EXOC6B: variants seen among roughly 807,000 people sequenced by gnomAD.
EXOC6B encodes SEC15 homolog B.
A neutral mutation model predicts 113.5 loss-of-function variants in EXOC6B; 54 were observed. The observed-to-expected ratio is 0.48, with a 90% CI of 0.38 to 0.60. EXOC6B has a LOEUF of 0.60. Among genes scored for constraint, EXOC6B ranks in the 20% least tolerant of loss-of-function variants. EXOC6B has a pLI of 0.00. For missense variants in EXOC6B, 797 were observed against 977.5 expected, an observed-to-expected ratio of 0.82 and a Z score of 2.46; for synonymous variants, 357 against 339.0, an observed-to-expected ratio of 1.05 and a Z score of -0.58.
At chr2:72,550,551 A>T (rs1422939652) in intron 8 of EXOC6B, among the ~76,000 whole-genome samples, 2 of 152,224 alleles carry the variant, frequency 1.3e-5, no homozygotes, top group East Asian at 3.8e-4. Flanking sequence ...CTGCCATATA[A>T]TCAATGCCTT....
At chr2:72,367,688 C>G (rs953486832) in intron 19 of EXOC6B, among the ~76,000 whole-genome samples, 1 of 152,156 alleles carries the variant, frequency 6.6e-6, no homozygotes, top group Non-Finnish European at 1.5e-5. Flanking sequence ...TCCCCCATCC[C>G]CTGGCAGTGG....
At chr2:72,358,762 A>G (rs1690120222) in intron 19 of EXOC6B, among the ~76,000 whole-genome samples, 1 of 152,110 alleles carries the variant, frequency 6.6e-6, no homozygotes, top group African/African-American at 2.4e-5. Context: ...GGATGTATGC[A>G]CTAAAATTGC....
At chr2:72,773,596 G>A (rs368333104) in intron 1 of EXOC6B, among the ~76,000 whole-genome samples, 10 of 150,390 alleles carry the variant, frequency 6.6e-5, no homozygotes, top group Middle Eastern at 3.5e-3. Context: ...CAAGAAAGTC[G>A]GAAAAAAAAA....
intron 6 of EXOC6B, among the ~76,000 whole-genome samples, chr2:72,593,129 C>T (rs372203169): frequency 1.3e-5 from 2 of 152,112 alleles, no homozygotes; most frequent in East Asian, 1.9e-4. Flanking sequence ...AAGGGTAGCA[C>T]GCTTGAAGAG....
At chr2:72,203,164 C>T (rs992601000) in intron 20 of EXOC6B, among the ~76,000 whole-genome samples, 2 of 152,230 alleles carry the variant, frequency 1.3e-5, no homozygotes, top group Admixed American at 1.3e-4. Flanking sequence ...CTTCTTCACA[C>T]TTGCTGTTCT....
intron 1 of EXOC6B, among the ~76,000 whole-genome samples, chr2:72,754,111 T>C (rs569667245): frequency 7.9e-5 from 12 of 152,136 alleles, no homozygotes; most frequent in African/African-American, 2.9e-4. Context: ...GGTCTCAAAC[T>C]CCTGGGCTCA....
At chr2:72,619,324 T>C (rs1440461763) in intron 6 of EXOC6B, among the ~76,000 whole-genome samples, 1 of 152,132 alleles carries the variant, frequency 6.6e-6, no homozygotes, top group Non-Finnish European at 1.5e-5. Flanking sequence ...TCTTATATTG[T>C]TTTACTGGCA....
At chr2:72,242,983 T>C (rs950503050) in intron 20 of EXOC6B, among the ~76,000 whole-genome samples, 1 of 152,148 alleles carries the variant, frequency 6.6e-6, no homozygotes, top group Non-Finnish European at 1.5e-5. Context: ...GATCCTCCTT[T>C]TCCTAGTGTT....
chr2:72,635,864 G>T (rs1558866243), intron 6 of EXOC6B, among the ~76,000 whole-genome samples: 1 of 152,140 alleles, frequency 6.6e-6, no homozygotes, highest in Admixed American at 6.5e-5. Context: ...ACCAAGTAGG[G>T]TTTATTCCAG....
chr2:72,644,743 G>A (rs1240598407), intron 6 of EXOC6B, among the ~76,000 whole-genome samples: 1 of 151,542 alleles, frequency 6.6e-6, no homozygotes, highest in Non-Finnish European at 1.5e-5. Flanking sequence ...AATGCTGAGA[G>A]ATTTTGTCAC....
intron 8 of EXOC6B, among the ~76,000 whole-genome samples, chr2:72,549,585 A>G (rs1243891947): frequency 6.6e-6 from 1 of 152,190 alleles, no homozygotes; most frequent in Non-Finnish European, 1.5e-5. Flanking sequence ...TAATGCCTTC[A>G]TTTTAAAACA....
chr2:72,457,477 G>C (rs943493907), intron 18 of EXOC6B, among the ~76,000 whole-genome samples: 2 of 152,072 alleles, frequency 1.3e-5, no homozygotes, highest in Non-Finnish European at 2.9e-5. Flanking sequence ...TCGGCTATGA[G>C]AGATCTTGCC....
intron 8 of EXOC6B, among the ~76,000 whole-genome samples, chr2:72,526,469 T>C (rs1393407580): frequency 6.6e-6 from 1 of 152,040 alleles, no homozygotes; most frequent in Non-Finnish European, 1.5e-5. Flanking sequence ...TATAAATGTA[T>C]GTAATGGATA....
At chr2:72,801,929 G>A (rs1041693117) in intron 1 of EXOC6B, among the ~76,000 whole-genome samples, 19 of 152,230 alleles carry the variant, frequency 1.2e-4, no homozygotes, top group African/African-American at 4.3e-4. Context: ...AGGCAGTTTG[G>A]CAATATGCAT....
intron 20 of EXOC6B, among the ~76,000 whole-genome samples, chr2:72,203,735 A>G (rs1679646388): frequency 6.6e-6 from 1 of 152,136 alleles, no homozygotes; most frequent in South Asian, 2.1e-4. Context: ...CCACATTCTC[A>G]AGAGGGCTGC....
intron 20 of EXOC6B, among the ~76,000 whole-genome samples, chr2:72,243,062 T>A (rs377379324): frequency 6.6e-6 from 1 of 152,248 alleles, no homozygotes. Flanking sequence ...ACAGGTTGTA[T>A]CAGTCTGTTC....
chr2:72,223,848 C>T (rs1656152107), intron 20 of EXOC6B, among the ~76,000 whole-genome samples: 1 of 152,260 alleles, frequency 6.6e-6, no homozygotes. Flanking sequence ...TGTCTGACCA[C>T]CTTAGGGGTA....
intron 19 of EXOC6B, among the ~76,000 whole-genome samples, chr2:72,360,924 C>T: frequency 8.3e-6 from 1 of 121,038 alleles, no homozygotes; most frequent in Admixed American, 7.8e-5. Flanking sequence ...AAGGAAGACT[C>T]CATCTCAAAA....
At chr2:72,564,157 G>A (rs1046357464) in intron 7 of EXOC6B, among the ~76,000 whole-genome samples, 10 of 152,144 alleles carry the variant, frequency 6.6e-5, no homozygotes, top group Admixed American at 3.3e-4. Context: ...GATATACTAT[G>A]ACAGATTTAC....
Sources: gnomAD v4.1 joint callset for allele counts (sites outside exome capture counted in the v4.1 genomes callset) on GRCh38, gnomAD v4.1.1 for gene constraint, MANE v1.5 for transcripts, NCBI Gene and HGNC (gene_info 2026-07-23, HGNC 2026-07-21) for gene names.